The following ADGRG2 variants were observed in gnomAD, a reference collection of about 807,000 sequenced individuals.
ADGRG2 encodes G protein-coupled receptor 64.
Under a neutral mutation model 74.1 loss-of-function variants are expected in ADGRG2, and 26 were observed. That is an observed-to-expected ratio of 0.35 (90% CI 0.26 to 0.49). ADGRG2 has a LOEUF of 0.49. Ranked by LOEUF, ADGRG2 falls within the 20% of genes least tolerant of loss-of-function variation. ADGRG2 has a pLI of 0.99. For missense variants in ADGRG2, 619 were observed against 763.1 expected (o/e 0.81, Z 2.22); for synonymous variants, 296 against 295.2 (o/e 1.00, Z -0.03).
intron 1 of ADGRG2, among the ~76,000 whole-genome samples, chrX:19,107,637 G>GTTTTTTTTTTT (rs74586432): frequency 2.1e-5 from 1 of 48,038 alleles, no homozygotes. Flanking sequence ...TTTGTTTTTT[G>GTTTTTTTTTTT]TTTTTTTTTT....
intron 23 of ADGRG2, 37 bp from the exon 24 acceptor site, chrX:19,003,151 A>G (rs761532030): frequency 9.0e-7 from 1 of 1,105,677 alleles, no homozygotes; most frequent in African/African-American, 1.8e-5. Context: ...TGAGCATTCT[A>G]CTCTGCCAAC....
At chrX:19,049,747 G>T (rs2061280972) in intron 3 of ADGRG2, among the ~76,000 whole-genome samples, 1 of 110,742 alleles carries the variant, frequency 9.0e-6, no homozygotes, top group African/African-American at 3.3e-5. Flanking sequence ...CCTGCTGTAG[G>T]GTTATCTCTG....
chrX:19,092,077 A>G (rs2062025114), intron 1 of ADGRG2, among the ~76,000 whole-genome samples: 1 of 112,277 alleles, frequency 8.9e-6, no homozygotes, highest in Non-Finnish European at 1.9e-5. Context: ...AATCCAGGTC[A>G]TCTGACAACT....
At chrX:19,060,498 C>A (rs1357908854) in intron 3 of ADGRG2, among the ~76,000 whole-genome samples, 5 of 109,233 alleles carry the variant, frequency 4.6e-5, no homozygotes, top group Non-Finnish European at 9.5e-5. Context: ...GCTGTGCCCC[C>A]AGACCAATAA....
chrX:19,035,676 C>CTA (rs2060923565), intron 7 of ADGRG2: 10 of 222,681 alleles, frequency 4.5e-5, no homozygotes, highest in Admixed American at 1.4e-4. Flanking sequence ...TCTTTATGAG[C>CTA]TAATATGTAT....
chrX:19,118,642 G>A (rs2062564706), intron 1 of ADGRG2, among the ~76,000 whole-genome samples: 2 of 112,064 alleles, frequency 1.8e-5, no homozygotes, highest in Admixed American at 9.5e-5. Flanking sequence ...TCCCACCTTA[G>A]CCTCCTGAGT....
chrX:19,118,577 G>A (rs1048361135), intron 1 of ADGRG2, among the ~76,000 whole-genome samples: 13 of 111,070 alleles, frequency 1.2e-4, no homozygotes, highest in East Asian at 5.7e-4. Context: ...TTGTAGGGAC[G>A]GGAATGTTGC....
At chrX:19,113,069 T>C (rs1282410471) in intron 1 of ADGRG2, among the ~76,000 whole-genome samples, 2 of 104,653 alleles carry the variant, frequency 1.9e-5, no homozygotes, top group Admixed American at 2.1e-4. Flanking sequence ...CTAAGAGACA[T>C]GACAACTAGA....
rs139685896 is a variant in ADGRG2 at position 19,120,149 on chromosome X, C to T, written c.-47+2293G>A. Among the ~76,000 whole-genome samples, 586 of 111,213 alleles carry T rather than the reference C, an allele frequency of 5.3e-3. 4 individuals are homozygous for T. The highest frequency in any genetic ancestry group is 0.017 in the African/African-American group (522 of 30,626). On this transcript the variant is annotated intron_variant, in intron 1 of 28. Coordinates refer to ENST00000379869, the MANE Select transcript of ADGRG2 (RefSeq NM_001079858.3). ...GATAAAAGCAGAAGGGAATCCGATC[C>T]GGGCTGGCATCACGCTGAGGCCCTG...
chrX:19,104,681 G>C (rs367637847), intron 1 of ADGRG2, among the ~76,000 whole-genome samples: 4 of 109,112 alleles, frequency 3.7e-5, no homozygotes, highest in African/African-American at 1.3e-4. Context: ...GGGAGACCAA[G>C]GTGGGTGGAT....
chrX:19,104,023 AC>A (rs781392751), intron 1 of ADGRG2, among the ~76,000 whole-genome samples: 12 of 111,804 alleles, frequency 1.1e-4, no homozygotes, highest in Non-Finnish European at 1.5e-4. Flanking sequence ...GTTCAGATCC[AC>A]TTCAGTCTGG....
In ADGRG2 at chrX:19,040,189, CA is replaced by C; in HGVS notation, c.153del (p.Ala52LeufsTer28). 1 of 1,148,746 alleles carries C rather than the reference CA, an allele frequency of 8.7e-7. No homozygotes were observed. The highest frequency in any genetic ancestry group is 1.2e-6 in the Non-Finnish European group (1 of 841,649). 94.7% of individuals were successfully genotyped at this position (1,148,746 alleles called of 1,213,427 possible). On this transcript the variant is annotated frameshift_variant and splice_region_variant, in exon 4 of 29. Transcript: ENST00000379869. LOFTEE classifies it high-confidence loss of function. The part of the protein sequence containing the change: ...DTDNSSLSPP[P>X]AKLSVVSFAP... The stretch of plus-strand genomic sequence containing the variant: ...CCAGAGTTCTAAAAAAACAACTTAC[CA>C]GGTGGTGGTGACAAACTGGAATTAT...
chrX:19,019,526 A>G (rs2146623417), intron 15 of ADGRG2, 73 bp downstream of exon 15: 1 of 610,264 alleles, frequency 1.6e-6, no homozygotes, highest in East Asian at 3.3e-5. Context: ...CAAAATTCTA[A>G]AACTCCTTAG....
intron 8 of ADGRG2, chrX:19,032,915 C>G (rs1178447308): frequency 8.9e-6 from 1 of 111,832 alleles, no homozygotes; most frequent in Non-Finnish European, 1.9e-5. Context: ...CTTAAAAGTA[C>G]ACATTTTCTT....
At chrX:19,067,141 C>T (rs1032228505) in intron 3 of ADGRG2, among the ~76,000 whole-genome samples, 2 of 111,731 alleles carry the variant, frequency 1.8e-5, no homozygotes, top group Non-Finnish European at 1.9e-5. Flanking sequence ...TTACTTCATC[C>T]TCTTCATTTA....
At chrX:19,077,296 A>G (rs1180094971) in intron 2 of ADGRG2, among the ~76,000 whole-genome samples, 7 of 98,306 alleles carry the variant, frequency 7.1e-5, no homozygotes, top group Non-Finnish European at 1.4e-4. Flanking sequence ...CAGGAATTTG[A>G]GACCAGCCTG....
At chrX:19,067,380 C>T (rs189427200) in intron 3 of ADGRG2, among the ~76,000 whole-genome samples, 102 of 112,413 alleles carry the variant, frequency 9.1e-4, no homozygotes, top group African/African-American at 3.3e-3. Context: ...GACAAAGTTG[C>T]CAAGACCATT....
intron 26 of ADGRG2, among the ~76,000 whole-genome samples, chrX:18,997,141 G>A (rs2060032881): frequency 9.0e-6 from 1 of 111,557 alleles, no homozygotes; most frequent in Admixed American, 9.6e-5. Flanking sequence ...TGTGCCCACC[G>A]TCAAGACCCA....
At chrX:19,034,653 G>A (rs1444672272) in intron 7 of ADGRG2, 1 of 112,340 alleles carries the variant, frequency 8.9e-6, no homozygotes, top group Non-Finnish European at 1.9e-5. Flanking sequence ...AATCTTTTAG[G>A]TCCGGGTGCC....
Sources: allele counts gnomAD v4.1 joint callset (sites outside exome capture counted in the v4.1 genomes callset), GRCh38; gene constraint gnomAD v4.1.1; transcripts MANE v1.5; gene names NCBI Gene and HGNC (gene_info 2026-07-23, HGNC 2026-07-21).